The following BAZ1A variants were observed in gnomAD, a reference collection of about 807,000 sequenced individuals.
BAZ1A encodes bromodomain adjacent to zinc finger domain protein 1A.
Under a neutral mutation model 185.2 loss-of-function variants are expected in BAZ1A, and 50 were observed. That is an observed-to-expected ratio of 0.27 (90% confidence interval 0.22 to 0.34). The LOEUF is 0.34. Among genes scored for constraint, BAZ1A ranks in the 10% least tolerant of loss-of-function variants. BAZ1A has a pLI of 1.00. For synonymous variants in BAZ1A, 571 were observed against 615.6 expected (o/e 0.93, Z 1.07); for missense variants, 1,356 against 1,839.9 (o/e 0.74, Z 4.81).
At position 34,775,881 on chromosome 14, in the gene BAZ1A, G is replaced by A. The variant is rs765285536; in HGVS notation, c.2833+38C>T. The stretch of plus-strand genomic sequence containing the variant: ...CCTGAATGACCAGAGATTAGGGGGA[G>A]GGAAAAAAAGTAAAAACAATTTTCA... On this transcript the variant is annotated intron_variant, in intron 18 of 26. Coordinates refer to ENST00000360310, the MANE Select transcript of BAZ1A (RefSeq NM_013448.3). 47 of 1,501,588 alleles carry A rather than the reference G, an allele frequency of 3.1e-5. No individual in the cohort carries two copies. The African/African-American group carries it at 5.1e-4, about 16-fold the overall frequency. 93.0% of individuals were successfully genotyped at this position (1,501,588 alleles called of 1,614,324 possible). A position where few individuals can be genotyped will look rare whatever the true frequency, so the allele number is the denominator to read the frequency against.
In BAZ1A at chr14:34,875,220, C is replaced by T. The variant is rs1422669314; in HGVS notation, c.-141G>A. The T allele has an allele frequency of 4.4e-6, 2 of 451,050 alleles. No homozygotes were observed. Among genetic ancestry groups the T allele is most frequent in the Non-Finnish European group, 8.9e-6 (2 of 225,014 alleles). 27.9% of individuals were successfully genotyped at this position (451,050 alleles called of 1,614,324 possible). On this transcript the variant is annotated 5_prime_UTR_variant, in exon 1 of 27. Coordinates refer to ENST00000360310, the MANE Select transcript of BAZ1A (RefSeq NM_013448.3). ...AGACCCCGTCCTCCCAGGGGACCGC[C>T]TCTCTCCGGCCCCGCCGCGCCCCTG...
At chr14:34,760,292 A>G (rs924921700) in intron 24 of BAZ1A, among the ~76,000 whole-genome samples, 5 of 152,178 alleles carry the variant, frequency 3.3e-5, no homozygotes, top group Admixed American at 3.3e-4. Context: ...GGGAAAAGCA[A>G]AACAGATAAG....
chr14:34,810,625 G>C (rs2041916193), intron 5 of BAZ1A, among the ~76,000 whole-genome samples: 1 of 151,798 alleles, frequency 6.6e-6, no homozygotes, highest in African/African-American at 2.4e-5. Context: ...AAGTCCATTA[G>C]GATTTTTTTT....
intron 3 of BAZ1A, among the ~76,000 whole-genome samples, chr14:34,844,761 A>T (rs4982225): frequency 0.27 from 22,548 of 84,020 alleles, 1,930 homozygotes; most frequent in Admixed American, 0.44. Context: ...CTGTCTAAAC[A>T]CACACACACA....
chr14:34,776,450 CTCTTGTTACACAGTTGATCTGT>C lies in BAZ1A; in HGVS notation c.2280_2301del (p.Gln761SerfsTer11), dbSNP rs1328071203. On this transcript the variant is annotated frameshift_variant, in exon 18 of 27. Transcript: ENST00000360310. LOFTEE classifies it high-confidence loss of function. ...TCTTCCTCATCAGCAGTAAGAGGCT[CTCTTGTTACACAGTTGATCTGT>C]TCTTGCCTTGTAAATTCTTTAAATC... 6.2e-7 allele frequency: 1 copy of C among 1,613,776 alleles called. No individual in the cohort carries two copies. Among genetic ancestry groups the C allele is most frequent in the African/African-American group, 1.3e-5 (1 of 74,912 alleles).
At chr14:34,832,526 T>C (rs1384400008) in intron 3 of BAZ1A, among the ~76,000 whole-genome samples, 1 of 150,376 alleles carries the variant, frequency 6.6e-6, no homozygotes, top group South Asian at 2.1e-4. Flanking sequence ...TCCAAGAAGA[T>C]ACAAACAGCA....
At chr14:34,844,853 C>T (rs66496703) in intron 3 of BAZ1A, among the ~76,000 whole-genome samples, 15,396 of 151,234 alleles carry the variant, frequency 0.1, 848 homozygotes, top group South Asian at 0.19. Context: ...AAAAATAATC[C>T]TAAAATTCAT....
intron 2 of BAZ1A, among the ~76,000 whole-genome samples, chr14:34,865,303 G>A (rs565154803): frequency 8.6e-5 from 13 of 152,016 alleles, no homozygotes; most frequent in Non-Finnish European, 1.8e-4. Flanking sequence ...GTTAACAATG[G>A]CTGCCTCTAA....
chr14:34,788,351 T>C (rs1264029521), intron 12 of BAZ1A, among the ~76,000 whole-genome samples: 1 of 152,152 alleles, frequency 6.6e-6, no homozygotes, highest in African/African-American at 2.4e-5. Context: ...TTGCCCAGGC[T>C]GGAGTGCAGT....
chr14:34,773,316 A>G (rs1879349575), intron 20 of BAZ1A, among the ~76,000 whole-genome samples: 1 of 152,020 alleles, frequency 6.6e-6, no homozygotes, highest in Non-Finnish European at 1.5e-5. Flanking sequence ...CCTTAAGTTC[A>G]AAGATTAAAA....
At chr14:34,800,429 C>CA in intron 8 of BAZ1A, 39 bp from the exon 9 acceptor site, 1 of 1,423,360 alleles carries the variant, frequency 7.0e-7, no homozygotes, top group Non-Finnish European at 9.3e-7. Context: ...TATATATAGA[C>CA]AAAATAACAC....
chr14:34,793,969 A>G (rs1881031638), intron 11 of BAZ1A, among the ~76,000 whole-genome samples: 1 of 151,416 alleles, frequency 6.6e-6, no homozygotes, highest in Non-Finnish European at 1.5e-5. Context: ...AAAAAGAAAA[A>G]AAAAAGAAAA....
chr14:34,813,671 G>A (rs949205221), intron 4 of BAZ1A, among the ~76,000 whole-genome samples: 20 of 150,996 alleles, frequency 1.3e-4, no homozygotes, highest in African/African-American at 4.1e-4. Context: ...CAACAAGAGC[G>A]AAACTCCGTC....
At chr14:34,825,752 A>G (rs1308441054) in intron 4 of BAZ1A, among the ~76,000 whole-genome samples, 2 of 152,148 alleles carry the variant, frequency 1.3e-5, no homozygotes. Flanking sequence ...AGCCTGGCCA[A>G]TATGGTGAAA....
Position 34,810,940 on chromosome 14 carries a change from T to G in BAZ1A, c.633A>C (p.Gln211His), listed in dbSNP as rs1696609295. Reference protein sequence around the residue: ...LHESAIVKATQISRRKHLFSR... With the variant: ...LHESAIVKATHISRRKHLFSR... ...GAGAAGATAGTGAGTTTTACCTGAT[T>G]TGTGTTGCTTTAACAATAGCAGACT... The change falls in exon 5 of 27, where the codon CAA becomes CAC. Residue 211 changes from glutamine (Q) to histidine (H), a missense_variant. This residue lies in a region of BAZ1A where 332 missense variants were observed against 395.3 expected (regional missense o/e 0.84). Coordinates refer to ENST00000360310, the MANE Select transcript of BAZ1A (RefSeq NM_013448.3). 11 of 1,597,704 alleles carry G rather than the reference T, an allele frequency of 6.9e-6. No individual in the cohort carries two copies. The highest frequency in any genetic ancestry group is 7.7e-6 in the Non-Finnish European group (9 of 1,167,808).
intron 3 of BAZ1A, among the ~76,000 whole-genome samples, chr14:34,845,859 CAAAAAA>C (rs3062591): frequency 9.5e-4 from 109 of 115,206 alleles, no homozygotes; most frequent in Non-Finnish European, 1.3e-3. Flanking sequence ...GACTCTGTCT[CAAAAAA>C]AAAAAAAAAA....
chr14:34,820,443 A>C (rs1594873221), intron 4 of BAZ1A, among the ~76,000 whole-genome samples: 1 of 152,088 alleles, frequency 6.6e-6, no homozygotes, highest in East Asian at 1.9e-4. Context: ...TCATTGTCTT[A>C]ATATTGAGAT....
chr14:34,860,807 A>G (rs1289087521), intron 3 of BAZ1A, among the ~76,000 whole-genome samples: 2 of 152,052 alleles, frequency 1.3e-5, no homozygotes, highest in African/African-American at 4.8e-5. Flanking sequence ...CTGAGGCATA[A>G]GAATCACTTG....
intron 3 of BAZ1A, among the ~76,000 whole-genome samples, chr14:34,854,657 A>G (rs891578372): frequency 6.6e-6 from 1 of 152,228 alleles, no homozygotes; most frequent in Non-Finnish European, 1.5e-5. Flanking sequence ...TAATCTCGCA[A>G]TAACCCAAAA....
Sources: gnomAD v4.1 joint callset for allele counts (sites outside exome capture counted in the v4.1 genomes callset) on GRCh38, gnomAD v4.1.1 for gene constraint, gnomAD v4.1.1 regional missense constraint, MANE v1.5 for transcripts, NCBI Gene and HGNC (gene_info 2026-07-23, HGNC 2026-07-21) for gene names.